Variants in CKAP2L observed in about 807,000 individuals in gnomAD.
CKAP2L encodes the protein cytoskeleton associated protein 2L.
In CKAP2L, 42 loss-of-function variants were observed where a neutral mutation model predicts 65.7. That is an observed-to-expected ratio of 0.64 (90% CI 0.50 to 0.83). CKAP2L has a LOEUF of 0.83. CKAP2L is among the 40% of genes least tolerant of loss of function. CKAP2L has a pLI of 0.00. For synonymous variants in CKAP2L, 325 were observed against 313.5 expected (o/e 1.04, Z -0.39); for missense variants, 908 against 871.0 (o/e 1.04, Z -0.53).
intron 7 of CKAP2L, 54 bp from the exon 8 acceptor site, chr2:112,741,061 C>A (rs1245158859): frequency 1.7e-6 from 2 of 1,188,616 alleles, no homozygotes; most frequent in African/African-American, 3.0e-5. Flanking sequence ...AATACTTCAA[C>A]TAGAAGTCAA....
chr2:112,762,717 C>A, intron 1 of CKAP2L, 148 bp from the exon 2 acceptor site: 1 of 619,936 alleles, frequency 1.6e-6, no homozygotes. Flanking sequence ...AATGTGCCTT[C>A]AAGCTAACAT....
At position 112,742,697 on chromosome 2, in the gene CKAP2L, T is replaced by A. The variant is rs1397550187; in HGVS notation, c.1822+9A>T. On this transcript the variant is annotated intron_variant, in intron 7 of 8. Coordinates refer to ENST00000302450, the MANE Select transcript of CKAP2L (RefSeq NM_152515.5). ...GAGAAGATGAATTTAAATTCAAAAA[T>A]AATAGTACCTTCTGTGGTTCTGTTT... The A allele has an allele frequency of 1.3e-6, 2 of 1,556,582 alleles. No homozygotes were observed. The highest frequency in any genetic ancestry group is 1.8e-5 in the Admixed American group (1 of 57,032).
chr2:112,738,769 T>G lies in CKAP2L; in HGVS notation c.*54A>C. 8.3e-7 allele frequency: 1 copy of G among 1,209,054 alleles called. No individual in the cohort carries two copies. The highest frequency in any genetic ancestry group is 1.2e-5 in the South Asian group (1 of 80,370). 74.9% of individuals were successfully genotyped at this position (1,209,054 alleles called of 1,614,324 possible). On this transcript the variant is annotated 3_prime_UTR_variant, in exon 9 of 9. Coordinates refer to ENST00000302450, the MANE Select transcript of CKAP2L (RefSeq NM_152515.5). ...TTTCCAGGTCACTTGGACAAGAATA[T>G]TTCTTGTCTTATGTTGGTTCTGAAA...
At chr2:112,742,934 AAAAGT>A (rs746600899) in intron 6 of CKAP2L, 165 bp from the exon 7 acceptor site, 2 of 581,160 alleles carry the variant, frequency 3.4e-6, no homozygotes, top group Non-Finnish European at 3.0e-6. Context: ...GCTTCATGAG[AAAAGT>A]AAAGGAACAG....
At chr2:112,745,792 G>T (rs1680183916) in intron 6 of CKAP2L, among the ~76,000 whole-genome samples, 1 of 152,164 alleles carries the variant, frequency 6.6e-6, no homozygotes, top group African/African-American at 2.4e-5. Flanking sequence ...TGGTAAATAG[G>T]GGTGTGTATT....
chr2:112,757,388 T>G (rs901503151), intron 3 of CKAP2L, among the ~76,000 whole-genome samples, 174 bp from the exon 4 acceptor site: 8 of 139,848 alleles, frequency 5.7e-5, no homozygotes, highest in African/African-American at 8.5e-5. Context: ...TTTTTGTGTT[T>G]TTTTTTTTTT....
At chr2:112,743,886 T>A (rs1231001493) in intron 6 of CKAP2L, among the ~76,000 whole-genome samples, 2 of 152,250 alleles carry the variant, frequency 1.3e-5, no homozygotes, top group East Asian at 3.8e-4. Flanking sequence ...ATTTTTCAAG[T>A]ATGTAAACCA....
chr2:112,754,494 T>G (rs1423837885), intron 4 of CKAP2L, among the ~76,000 whole-genome samples: 1 of 152,204 alleles, frequency 6.6e-6, no homozygotes, highest in African/African-American at 2.4e-5. Flanking sequence ...AAGAGTGAAC[T>G]TTCCCTTTCT....
Position 112,756,379 on chromosome 2 carries a change from G to A in CKAP2L, c.992C>T (p.Thr331Ile). The change falls in exon 4 of 9, where the codon ACC becomes ATC. Residue 331 changes from threonine (T) to isoleucine (I), a missense_variant. Physicochemically the swap from Thr to Ile is moderately conservative, Grantham distance 89 (BLOSUM62 -1). Transcript: ENST00000302450. ...CAAACTGGGGTATGTTCTGGGTTTG[G>A]TGTGCTTCACTCTCTGTTCAGTAAC... ...YPVTEQRVKH[T>I]KPRTYPSLLQ... 6.2e-7 allele frequency: 1 copy of A among 1,613,902 alleles called. No individual in the cohort carries two copies. The highest frequency in any genetic ancestry group is 8.5e-7 in the Non-Finnish European group (1 of 1,179,944).
rs1679179788 is a variant in CKAP2L, at chr2:112,736,431, T to C, written c.*2392A>G. The stretch of plus-strand genomic sequence containing the variant: ...GGATACATATAGATAATAAAATGGC[T>C]GCTATAGTGAAGCAGATTAACATTA... On this transcript the variant is annotated 3_prime_UTR_variant, in exon 9 of 9. Transcript: ENST00000302450. 6.6e-6 allele frequency among the ~76,000 whole-genome samples: 1 copy of C among 151,820 alleles called. No homozygotes were observed. Among genetic ancestry groups the C allele is most frequent in the Admixed American group, 6.5e-5 (1 of 15,286 alleles).
At chr2:112,741,873 G>C (rs1679990450) in intron 7 of CKAP2L, among the ~76,000 whole-genome samples, 1 of 149,924 alleles carries the variant, frequency 6.7e-6, no homozygotes, top group Admixed American at 6.6e-5. Flanking sequence ...CGATTCTCCT[G>C]CCTCAGCCTC....
At chr2:112,739,841 T>C (rs149874262) in intron 8 of CKAP2L, among the ~76,000 whole-genome samples, 1 of 152,012 alleles carries the variant, frequency 6.6e-6, no homozygotes, top group Non-Finnish European at 1.5e-5. Context: ...TTTCATAGAG[T>C]TGGGGTCTCC....
rs1244452249 is a variant in CKAP2L at position 112,756,547 on chromosome 2, G to A, written c.824C>T (p.Ser275Leu). The A allele has an allele frequency of 1.1e-5, 18 of 1,611,112 alleles. No homozygotes were observed. The highest frequency in any genetic ancestry group is 1.4e-5 in the Non-Finnish European group (17 of 1,179,004). The change falls in exon 4 of 9, where the codon TCA becomes TTA. Residue 275 changes from serine to leucine, a missense_variant. Coordinates refer to ENST00000302450, the MANE Select transcript of CKAP2L (RefSeq NM_152515.5). The stretch of plus-strand genomic sequence containing the variant: ...AATAAAGTGAGAGGGAACCGTCCTT[G>A]AGGGTTTTACTCCTGGTCTTGCAAG... ...ADLARPGVKP[S>L]RTVPSHFIRT...
chr2:112,741,940 G>GTT (rs57634251), intron 7 of CKAP2L, among the ~76,000 whole-genome samples: 74 of 71,908 alleles, frequency 1.0e-3, no homozygotes, highest in East Asian at 1.7e-3. Context: ...TTTCTTTTCT[G>GTT]TTTTTTTTTT....
At position 112,738,593 on chromosome 2, in the gene CKAP2L, T is replaced by C. The variant is rs1445212553; in HGVS notation, c.*230A>G. ...TAGTTGTAGGGTAAATATTCAAAAG[T>C]TTGAAATTTATGTATACTGTAAAAC... On this transcript the variant is annotated 3_prime_UTR_variant, in exon 9 of 9. Transcript: ENST00000302450. 4 of 530,144 alleles carry C rather than the reference T, an allele frequency of 7.5e-6. No homozygotes were observed. Among genetic ancestry groups the C allele is most frequent in the African/African-American group, 5.7e-5 (3 of 52,590 alleles). 32.8% of individuals were successfully genotyped at this position (530,144 alleles called of 1,614,324 possible).
chr2:112,747,050 A>G (rs1680224497), intron 5 of CKAP2L, among the ~76,000 whole-genome samples: 5 of 151,368 alleles, frequency 3.3e-5, no homozygotes, highest in Non-Finnish European at 1.5e-5. Flanking sequence ...CAGCCTCTTA[A>G]CGTGCTGGGA....
chr2:112,756,503 GAACTTTACTA>G lies in CKAP2L; in HGVS notation c.858_867del (p.Lys288HisfsTer6), dbSNP rs1157584587. ...TTGACTACTGGTTTCTTTGATGACT[GAACTTTACTA>G]AGGGTCCGAATAAAGTGAGAGGGAA... On this transcript the variant is annotated frameshift_variant, in exon 4 of 9. Transcript: ENST00000302450. LOFTEE classifies it high-confidence loss of function. The G allele has an allele frequency of 6.2e-7, 1 of 1,608,852 alleles. No individual in the cohort carries two copies. The highest frequency in any genetic ancestry group is 8.5e-7 in the Non-Finnish European group (1 of 1,178,166).
rs375529037 is a variant in CKAP2L, at chr2:112,739,027, C to T, written c.2034G>A (p.Val678=). Residue 678 remains valine (V), a synonymous_variant, in exon 9 of 9, where the codon GTG becomes GTA. Transcript: ENST00000302450. ...CAGGAGTGATAAATTTCATGTCTTGCACTTCCGGCATCCCATTTATTCTGA... is the reference window on the plus strand; with the variant it reads ...CAGGAGTGATAAATTTCATGTCTTGTACTTCCGGCATCCCATTTATTCTGA... ...PIPRINGMPE[V]QDMKFITPVR... The T allele has an allele frequency of 1.9e-5, 30 of 1,613,956 alleles. No individual in the cohort carries two copies. The highest frequency in any genetic ancestry group is 2.5e-5 in the Non-Finnish European group (29 of 1,179,956).
At chr2:112,752,194 T>A in intron 5 of CKAP2L, 73 bp downstream of exon 5, 2 of 1,075,000 alleles carry the variant, frequency 1.9e-6, no homozygotes, top group Non-Finnish European at 2.8e-6. Flanking sequence ...CTCTCCTATA[T>A]TATATTTAGG....
Sources: allele counts gnomAD v4.1 joint callset (sites outside exome capture counted in the v4.1 genomes callset), GRCh38; gene constraint gnomAD v4.1.1; transcripts MANE v1.5; gene names NCBI Gene and HGNC (gene_info 2026-07-23, HGNC 2026-07-21).